The following CBX2 variants were observed in gnomAD, a reference collection of about 807,000 sequenced individuals.
The protein encoded by CBX2 is chromobox protein homolog 2.
A neutral mutation model predicts 21.0 loss-of-function variants in CBX2; 11 were observed. The ratio of observed to expected loss-of-function variants is 0.52; its 90% CI spans 0.33 to 0.87. The LOEUF is 0.87. Among genes scored for constraint, CBX2 ranks in the 40% least tolerant of loss-of-function variants. The pLI, the probability that CBX2 is intolerant of heterozygous loss-of-function variation, is 0.02. For synonymous variants in CBX2, 364 were observed against 304.6 expected (o/e 1.19, Z -2.03); for missense variants, 746 against 724.3 (o/e 1.03, Z -0.34).
At chr17:79,779,864 T>A (rs1907042006) in intron 3 of CBX2, 1 of 263,692 alleles carries the variant, frequency 3.8e-6, no homozygotes, top group Admixed American at 4.6e-5. Context: ...GCAAGAAGGC[T>A]CAGAGAGGGA....
At chr17:79,781,194 G>A (rs1907169572) in intron 3 of CBX2, among the ~76,000 whole-genome samples, 1 of 152,142 alleles carries the variant, frequency 6.6e-6, no homozygotes, top group Non-Finnish European at 1.5e-5. Context: ...AGAGTCATGT[G>A]CCAGCAGCCA....
Position 79,787,940 on chromosome 17 carries a change from G to T in CBX2, c.*2898G>T, listed in dbSNP as rs1281189967. ...AAAGCCAATCACTGGCTTGATTTGT[G>T]TTTTTTAATTAAAAAAAAAATCATT... On this transcript the variant is annotated 3_prime_UTR_variant, in exon 5 of 5. Coordinates refer to ENST00000310942, the MANE Select transcript of CBX2 (RefSeq NM_005189.3). 3 of 151,634 alleles carry T rather than the reference G, an allele frequency of 2.0e-5. No individual in the cohort carries two copies. The highest frequency in any genetic ancestry group is 4.4e-5 in the Non-Finnish European group (3 of 67,974). The allele number at this position is 151,634 out of a possible 1,614,324, so 9.4% of individuals were successfully genotyped here.
chr17:79,778,543 G>T lies in CBX2; in HGVS notation c.116+116G>T. The T allele has an allele frequency of 3.6e-6, 2 of 561,500 alleles. No homozygotes were observed. Among genetic ancestry groups the T allele is most frequent in the East Asian group, 3.7e-5 (1 of 26,950 alleles). 34.8% of individuals were successfully genotyped at this position (561,500 alleles called of 1,614,324 possible). A position where few individuals can be genotyped will look rare whatever the true frequency, so the allele number is the denominator to read the frequency against. ...GGGGCGCCCGCGGGCAGAGCGGGAA[G>T]TTCGCGGGGTCCCCGCGGGCTCCTC... is the stretch of plus-strand genomic sequence containing the variant. On this transcript the variant is annotated intron_variant, in intron 2 of 4. Transcript: ENST00000310942. This position sits in a 1 kb window ranked among gnomAD's most constrained non-coding sequence, Gnocchi z 4.8.
chr17:79,785,038 A>T lies in CBX2; in HGVS notation c.1595A>T (p.Tyr532Phe). Reference protein sequence around the residue: ...TSVGFFNLRHY With the variant: ...TSVGFFNLRHF ...GTGGGCTTCTTCAACCTGAGGCATT[A>T]CTGAAGCCCCGGCGCCACCAGCTGC... The change falls in exon 5 of 5, where the codon TAC (tyrosine) becomes TTC (phenylalanine). Residue 532 changes from tyrosine to phenylalanine, a missense_variant. Coordinates refer to ENST00000310942, the MANE Select transcript of CBX2 (RefSeq NM_005189.3). 6.3e-7 allele frequency: 1 copy of T among 1,599,468 alleles called. No individual in the cohort carries two copies. The highest frequency in any genetic ancestry group is 8.5e-7 in the Non-Finnish European group (1 of 1,179,502).
chr17:79,778,202 G>T lies in CBX2; in HGVS notation c.-34G>T, dbSNP rs1555829313. Reference sequence around the variant, plus strand: ...CGGCGGTCCGGGCGGGTGACTGGCGGCGGGCGCCGCGGTCGGGCTGGCTGC... The same window carrying T: ...CGGCGGTCCGGGCGGGTGACTGGCGTCGGGCGCCGCGGTCGGGCTGGCTGC... On this transcript the variant is annotated 5_prime_UTR_variant, in exon 1 of 5. Transcript: ENST00000310942. This position sits in a 1 kb window ranked among gnomAD's most constrained non-coding sequence, Gnocchi z 4.8. The T allele has an allele frequency of 7.8e-7, 1 of 1,276,882 alleles. No homozygotes were observed. The highest frequency in any genetic ancestry group is 9.9e-7 in the Non-Finnish European group (1 of 1,008,252). 79.1% of individuals were successfully genotyped at this position (1,276,882 alleles called of 1,614,324 possible).
rs2060206401 is a variant in CBX2, at chr17:79,785,238, C to T, written c.*196C>T. ...TCCCAGGACATAGGGCAGGGGGCCTCACTGCCTTGTTGGTCTCCACCTTGT... is the reference window on the plus strand; with the variant it reads ...TCCCAGGACATAGGGCAGGGGGCCTTACTGCCTTGTTGGTCTCCACCTTGT... On this transcript the variant is annotated 3_prime_UTR_variant, in exon 5 of 5. Transcript: ENST00000310942. The T allele has an allele frequency of 3.3e-6, 2 of 613,598 alleles. No homozygotes were observed. The highest frequency in any genetic ancestry group is 3.7e-5 in the African/African-American group (2 of 54,314). 38.0% of individuals were successfully genotyped at this position (613,598 alleles called of 1,614,324 possible). A position where few individuals can be genotyped will look rare whatever the true frequency, so the allele number is the denominator to read the frequency against.
chr17:79,779,652 CTAAG>C (rs1281606835), intron 3 of CBX2: 13 of 583,362 alleles, frequency 2.2e-5, no homozygotes, highest in African/African-American at 5.6e-5. Context: ...TGAGAAGAAC[CTAAG>C]TAAGTGCTGC....
At chr17:79,781,930 C>T (rs376760822) in intron 4 of CBX2, 129 bp downstream of exon 4, 124 of 1,614,180 alleles carry the variant, frequency 7.7e-5, no homozygotes, top group Middle Eastern at 1.6e-4. Context: ...TCCCTCTACT[C>T]GGAAAACAGG....
At position 79,785,072 on chromosome 17, in the gene CBX2, A is replaced by ACT. The variant is rs1376876006; in HGVS notation, c.*32_*33dup. On this transcript the variant is annotated 3_prime_UTR_variant, in exon 5 of 5. Coordinates refer to ENST00000310942, the MANE Select transcript of CBX2 (RefSeq NM_005189.3). ...CCGGCGCCACCAGCTGCGCGGTCTT[A>ACT]CTCCCCTTCCCTGCCTATGGTGTCG... is the stretch of plus-strand genomic sequence containing the variant. 2 of 1,563,916 alleles carry ACT rather than the reference A, an allele frequency of 1.3e-6. No homozygotes were observed. The highest frequency in any genetic ancestry group is 2.2e-5 in the East Asian group (1 of 44,650).
In CBX2 at chr17:79,782,539, C is replaced by T. The variant is rs116688466; in HGVS notation, c.288+738C>T. ...CCTCCGGGCACTGTCCCTGGACCTTCGCGTGTTGTGGCCACGAGCTCAGTC... is the reference window on the plus strand; with the variant it reads ...CCTCCGGGCACTGTCCCTGGACCTTTGCGTGTTGTGGCCACGAGCTCAGTC... On this transcript the variant is annotated intron_variant, in intron 4 of 4. Coordinates refer to ENST00000310942, the MANE Select transcript of CBX2 (RefSeq NM_005189.3). The T allele has an allele frequency of 3.4e-3, 3,679 of 1,080,516 alleles. 108 individuals carry two copies. The African/African-American group carries it at 0.055, about 16-fold the overall frequency. 66.9% of individuals were successfully genotyped at this position (1,080,516 alleles called of 1,614,324 possible). A position where few individuals can be genotyped will look rare whatever the true frequency, so the allele number is the denominator to read the frequency against.
Position 79,786,840 on chromosome 17 carries a change from G to C in CBX2, c.*1798G>C, listed in dbSNP as rs1472161571. ...CCCAGTACCTCACCGTGCCAAATAG[G>C]AAGAGGTGGCCTTGGTGTAGCCAAA... On this transcript the variant is annotated 3_prime_UTR_variant, in exon 5 of 5. Transcript: ENST00000310942. 6.5e-6 allele frequency: 1 copy of C among 152,772 alleles called. No individual in the cohort carries two copies. The highest frequency in any genetic ancestry group is 6.5e-5 in the Admixed American group (1 of 15,292). The allele number at this position is 152,772 out of a possible 1,614,324, so 9.5% of individuals were successfully genotyped here. A position where few individuals can be genotyped will look rare whatever the true frequency, so the allele number is the denominator to read the frequency against.
rs1555831292 is a variant in CBX2 at position 79,784,629 on chromosome 17, C to T, written c.1186C>T (p.Leu396Phe). 1.9e-6 allele frequency: 3 copies of T among 1,612,434 alleles called. No individual in the cohort carries two copies. The highest frequency in any genetic ancestry group is 2.5e-6 in the Non-Finnish European group (3 of 1,179,922). Residue 396 changes from leucine to phenylalanine, a missense_variant, in exon 5 of 5, where the codon CTC becomes TTC. By Grantham distance (22) the Leu-to-Phe change is conservative. Coordinates refer to ENST00000310942, the MANE Select transcript of CBX2 (RefSeq NM_005189.3). This position sits in a 1 kb window ranked among gnomAD's most constrained non-coding sequence, Gnocchi z 5.9. The part of the protein sequence containing the change: ...PAPGKGTGSG[L>F]IGASGATMPT... ...CCCTGGGAAGGGCACTGGGAGTGGCCTCATTGGGGCCAGCGGGGCCACCAT... is the reference window on the plus strand; with the variant it reads ...CCCTGGGAAGGGCACTGGGAGTGGCTTCATTGGGGCCAGCGGGGCCACCAT...
chr17:79,783,363 C>G (rs1451904409), intron 4 of CBX2, among the ~76,000 whole-genome samples: 1 of 151,790 alleles, frequency 6.6e-6, no homozygotes, highest in Admixed American at 6.6e-5. Context: ...GCATGGCGCT[C>G]TGGACCCTGG....
Position 79,778,509 on chromosome 17 carries a change from G to A in CBX2, c.116+82G>A, listed in dbSNP as rs1226041713. The A allele has an allele frequency of 1.9e-5, 17 of 884,186 alleles. No homozygotes were observed. The highest frequency in any genetic ancestry group is 7.9e-5 in the Admixed American group (2 of 25,430). The allele number at this position is 884,186 out of a possible 1,614,324, so 54.8% of individuals were successfully genotyped here. ...GTGGAGCCCCTCGGCCGCGCCGTCC[G>A]GTGGCCTGGGGGCGCCCGCGGGCAG... On this transcript the variant is annotated intron_variant, in intron 2 of 4. Coordinates refer to ENST00000310942, the MANE Select transcript of CBX2 (RefSeq NM_005189.3). The surrounding 1 kb of genome is among the most constrained non-coding windows in gnomAD (Gnocchi z 4.8).
At chr17:79,782,612 T>C (rs1555830707) in intron 4 of CBX2, 1 of 561,330 alleles carries the variant, frequency 1.8e-6, no homozygotes, top group Non-Finnish European at 2.4e-6. Flanking sequence ...TGAACAGGAT[T>C]CCCTGCTGTA....
chr17:79,778,302 C>T lies in CBX2; in HGVS notation c.67C>T (p.Arg23Cys), dbSNP rs1555829388. 1 of 1,557,016 alleles carries T rather than the reference C, an allele frequency of 6.4e-7. No homozygotes were observed. Among genetic ancestry groups the T allele is most frequent in the Admixed American group, 1.8e-5 (1 of 54,880 alleles). Reference sequence around the variant, plus strand: ...CGAGTGCATCCTGAGCAAGCGGCTCCGCAAGGTGCGTGCGGCCCGCCGGGC... The same window carrying T: ...CGAGTGCATCCTGAGCAAGCGGCTCTGCAAGGTGCGTGCGGCCCGCCGGGC... The part of the protein sequence containing the change: ...AAECILSKRL[R>C]KGKLEYLVKW... The change falls in exon 1 of 5, where the codon CGC becomes TGC. Residue 23 changes from arginine (R) to cysteine (C), a missense_variant. Arg to Cys is a radical substitution (Grantham distance 180, BLOSUM62 -3). This residue lies in a region of CBX2 where 45 missense variants were observed against 73.6 expected (regional missense o/e 0.61). Coordinates refer to ENST00000310942, the MANE Select transcript of CBX2 (RefSeq NM_005189.3). This position sits in a 1 kb window ranked among gnomAD's most constrained non-coding sequence, Gnocchi z 4.8.
Position 79,783,990 on chromosome 17 carries a change from G to A in CBX2, c.547G>A (p.Ala183Thr). Reference protein sequence around the residue: ...QKATRRPVSLAKVLKTARKDL... With the variant: ...QKATRRPVSLTKVLKTARKDL... Reference sequence around the variant, plus strand: ...GGCAACCCGAAGACCCGTGAGCCTGGCCAAGGTGCTGAAGACCGCCCGGAA... The same window carrying A: ...GGCAACCCGAAGACCCGTGAGCCTGACCAAGGTGCTGAAGACCGCCCGGAA... Residue 183 changes from alanine (A) to threonine (T), a missense_variant, in exon 5 of 5, where the codon GCC (alanine) becomes ACC (threonine). Transcript: ENST00000310942. The A allele has an allele frequency of 6.2e-7, 1 of 1,613,626 alleles. No individual in the cohort carries two copies. The highest frequency in any genetic ancestry group is 8.5e-7 in the Non-Finnish European group (1 of 1,180,040).
chr17:79,782,265 G>A, intron 4 of CBX2: 1 of 1,555,946 alleles, frequency 6.4e-7, no homozygotes, highest in Non-Finnish European at 8.7e-7. Context: ...AGGGCTGACT[G>A]AATAGCCAGG....
rs1906892153 is a variant in CBX2, at chr17:79,778,336, C to T, written c.72+29C>T. 6.4e-7 allele frequency: 1 copy of T among 1,569,556 alleles called. No homozygotes were observed. The highest frequency in any genetic ancestry group is 8.6e-7 in the Non-Finnish European group (1 of 1,162,912). The stretch of plus-strand genomic sequence containing the variant: ...CGTGCGGCCCGCCGGGCCCCCCGCC[C>T]GCCGCCCGCTGTCCGTCTGGCTCAC... On this transcript the variant is annotated intron_variant, in intron 1 of 4. Coordinates refer to ENST00000310942, the MANE Select transcript of CBX2 (RefSeq NM_005189.3). The surrounding 1 kb of genome is among the most constrained non-coding windows in gnomAD (Gnocchi z 4.8).
Sources: allele counts gnomAD v4.1 joint callset (sites outside exome capture counted in the v4.1 genomes callset), GRCh38; gene constraint gnomAD v4.1.1; regional missense constraint gnomAD v4.1.1; non-coding constraint Gnocchi (gnomAD v3.1); transcripts MANE v1.5; gene names NCBI Gene and HGNC (gene_info 2026-07-23, HGNC 2026-07-21).